UEVLD: variants seen among roughly 807,000 people sequenced by gnomAD.
UEVLD encodes ubiquitin-conjugating enzyme E2 variant 3.
In UEVLD, 47 loss-of-function variants were observed where a neutral mutation model predicts 58.6. That is an observed-to-expected ratio of 0.80 (90% CI 0.63 to 1.02). The LOEUF (loss-of-function observed/expected upper bound fraction) is 1.02. UEVLD is among the 50% of genes least tolerant of loss of function. The pLI is 0.00. For synonymous variants in UEVLD, 197 were observed against 195.3 expected, an observed-to-expected ratio of 1.01 and a Z score of -0.07; for missense variants, 510 against 550.6, an observed-to-expected ratio of 0.93 and a Z score of 0.74.
At chr11:18,586,371 C>G (rs1200476303) in intron 1 of UEVLD, among the ~76,000 whole-genome samples, 3 of 152,000 alleles carry the variant, frequency 2.0e-5, no homozygotes, top group Non-Finnish European at 4.4e-5. Context: ...CGGGCCACCA[C>G]GCCTGGCTTA....
intron 6 of UEVLD, among the ~76,000 whole-genome samples, chr11:18,562,683 C>G (rs1852100306): frequency 6.6e-6 from 1 of 151,938 alleles, no homozygotes; most frequent in Admixed American, 6.6e-5. Flanking sequence ...CCACCGGGCC[C>G]AGCTGAAAAA....
At chr11:18,564,665 T>C (rs976290577) in intron 6 of UEVLD, among the ~76,000 whole-genome samples, 1 of 152,216 alleles carries the variant, frequency 6.6e-6, no homozygotes, top group Non-Finnish European at 1.5e-5. Flanking sequence ...AGCTTTCCCT[T>C]GGATGAGGAT....
chr11:18,545,038 A>G (rs949667128), intron 8 of UEVLD, among the ~76,000 whole-genome samples: 1 of 105,858 alleles, frequency 9.4e-6, no homozygotes, highest in Non-Finnish European at 1.9e-5. Context: ...ATGTGTGTGT[A>G]TATCTATCTA....
intron 1 of UEVLD, among the ~76,000 whole-genome samples, chr11:18,582,973 A>G (rs1211473447): frequency 2.6e-5 from 4 of 152,164 alleles, no homozygotes; most frequent in Non-Finnish European, 5.9e-5. Flanking sequence ...CCCAGGCTGG[A>G]GTGCAATGGC....
chr11:18,574,973 G>T (rs1390050706), intron 3 of UEVLD, among the ~76,000 whole-genome samples: 1 of 152,128 alleles, frequency 6.6e-6, no homozygotes, highest in Non-Finnish European at 1.5e-5. Flanking sequence ...CAGAGTAGTG[G>T]TAGTAGGGGG....
intron 7 of UEVLD, among the ~76,000 whole-genome samples, chr11:18,556,707 T>C (rs904731389): frequency 2.6e-5 from 4 of 152,140 alleles, no homozygotes; most frequent in Admixed American, 6.6e-5. Context: ...TACTTTCAAC[T>C]CCACATCCCC....
At chr11:18,582,720 G>C (rs906419626) in intron 1 of UEVLD, among the ~76,000 whole-genome samples, 1 of 152,076 alleles carries the variant, frequency 6.6e-6, no homozygotes, top group Non-Finnish European at 1.5e-5. Flanking sequence ...TAAAAATTCT[G>C]CATAACATTC....
chr11:18,544,927 TAC>T (rs958913773), intron 8 of UEVLD, 131 bp from the exon 9 acceptor site: 9 of 515,216 alleles, frequency 1.7e-5, no homozygotes, highest in African/African-American at 1.0e-4. Context: ...TGTATATATA[TAC>T]ACACACACAT....
rs747008280 is a variant in UEVLD, at chr11:18,558,275, G to A, written c.668C>T (p.Thr223Met). ...AAGGTTGAAGATTTCAAGGTCCATC[G>A]TGGCTCCTTTAGTCCCTTCTGAGAG... is the stretch of plus-strand genomic sequence containing the variant. ...LDLSEGTKGA[T>M]MDLEIFNLPN... is the part of the protein sequence containing the mutation. The change falls in exon 7 of 12, where the codon ACG becomes ATG. Residue 223 changes from threonine (T) to methionine (M), a missense_variant. Physicochemically the swap from Thr to Met is moderately conservative, Grantham distance 81. Transcript: ENST00000396197. The A allele has an allele frequency of 2.6e-5, 42 of 1,613,252 alleles. No homozygotes were observed. The highest frequency in any genetic ancestry group is 1.6e-4 in the Middle Eastern group (1 of 6,082).
chr11:18,585,937 C>A (rs1431955130), intron 1 of UEVLD, among the ~76,000 whole-genome samples: 1 of 152,148 alleles, frequency 6.6e-6, no homozygotes, highest in African/African-American at 2.4e-5. Context: ...ACCCAGCCCT[C>A]ATATCTATTT....
chr11:18,545,745 A>G (rs1398461370), intron 8 of UEVLD, among the ~76,000 whole-genome samples: 1 of 152,216 alleles, frequency 6.6e-6, no homozygotes, highest in African/African-American at 2.4e-5. Context: ...GTGCCTGGTC[A>G]AATTTTATTG....
chr11:18,564,760 T>C, intron 6 of UEVLD, 132 bp downstream of exon 6: 1 of 590,058 alleles, frequency 1.7e-6, no homozygotes, highest in Non-Finnish European at 2.9e-6. Context: ...TTTGTCAACT[T>C]ACTAAATATA....
Position 18,570,302 on chromosome 11 carries a change from T to C in UEVLD, c.269A>G (p.Lys90Arg), listed in dbSNP as rs758259534. Residue 90 changes from lysine (K) to arginine (R), a missense_variant, in exon 4 of 12, where the codon AAG (lysine) becomes AGG (arginine). By Grantham distance (26) the Lys-to-Arg change is conservative (BLOSUM62 2). Coordinates refer to ENST00000396197, the MANE Select transcript of UEVLD (RefSeq NM_001040697.4). ...HPFAPPICFL[K>R]PTANMGILVG... ...TAAGATTCCCATATTTGCAGTTGGC[T>C]TCAAGAAGCAAATAGGGGGAGCGAA... 23 of 1,594,648 alleles carry C rather than the reference T, an allele frequency of 1.4e-5. No homozygotes were observed. In the Admixed American group the frequency reaches 2.8e-4, roughly 19 times the overall value.
In UEVLD at chr11:18,570,375, T is replaced by C. The variant is rs370916067; in HGVS notation, c.196A>G (p.Asn66Asp). ...AAACGAATTGGTATGTTATATGTAT[T>C]ACCTATTTGAGACAAAAGAAACATA... is the stretch of plus-strand genomic sequence containing the variant. ...TGTIPVMYQGNTYNIPIRFWI... is the reference protein window; with the variant it reads ...TGTIPVMYQGDTYNIPIRFWI... Residue 66 changes from asparagine (N) to aspartate (D), a missense_variant and splice_region_variant, in exon 4 of 12, where the codon AAT becomes GAT. Transcript: ENST00000396197. The C allele has an allele frequency of 7.8e-6, 12 of 1,530,054 alleles. No individual in the cohort carries two copies. Among genetic ancestry groups the C allele is most frequent in the Non-Finnish European group, 1.0e-5 (12 of 1,145,858 alleles). 94.8% of individuals were successfully genotyped at this position (1,530,054 alleles called of 1,614,324 possible). A position where few individuals can be genotyped will look rare whatever the true frequency, so the allele number is the denominator to read the frequency against.
chr11:18,573,454 CT>C (rs1379757285), intron 3 of UEVLD, among the ~76,000 whole-genome samples: 2 of 152,134 alleles, frequency 1.3e-5, no homozygotes, highest in Non-Finnish European at 2.9e-5. Context: ...CAGAATACAA[CT>C]TAAGGGGAAC....
At position 18,530,197 on chromosome 11, in the gene UEVLD, T is replaced by G. The variant is rs917733756; in HGVS notation, c.*2123A>C. 1.3e-5 allele frequency: 2 copies of G among 152,238 alleles called. No homozygotes were observed. Among genetic ancestry groups the G allele is most frequent in the Non-Finnish European group, 2.9e-5 (2 of 68,032 alleles). 9.4% of individuals were successfully genotyped at this position (152,238 alleles called of 1,614,324 possible). A position where few individuals can be genotyped will look rare whatever the true frequency, so the allele number is the denominator to read the frequency against. The stretch of plus-strand genomic sequence containing the variant: ...AACACAAGAAATAGTTCTTTCAGTT[T>G]TACTTTCCTATTTCATAAAAAAGGA... On this transcript the variant is annotated 3_prime_UTR_variant, in exon 12 of 12. Coordinates refer to ENST00000396197, the MANE Select transcript of UEVLD (RefSeq NM_001040697.4).
In UEVLD at chr11:18,562,334, G is replaced by C. The variant is rs551841785; in HGVS notation, c.612+2558C>G. Among the ~76,000 whole-genome samples, 101 of 151,794 alleles carry C rather than the reference G, an allele frequency of 6.7e-4. 1 individual carries two copies. Among genetic ancestry groups the C allele is most frequent in the African/African-American group, 2.4e-3 (98 of 41,420 alleles). ...AGGCAGGCAGATCACCTGATGTCAA[G>C]AGCTCGAGACCAGCCTGGCCAACAT... is the stretch of plus-strand genomic sequence containing the variant. On this transcript the variant is annotated intron_variant, in intron 6 of 11. Coordinates refer to ENST00000396197, the MANE Select transcript of UEVLD (RefSeq NM_001040697.4).
chr11:18,570,020 G>C, intron 4 of UEVLD, 194 bp downstream of exon 4: 1 of 500,848 alleles, frequency 2.0e-6, no homozygotes, highest in Non-Finnish European at 3.3e-6. Context: ...GAGCAGCTTT[G>C]TACAGGCAGT....
At chr11:18,537,776 C>T (rs138297870) in intron 9 of UEVLD, among the ~76,000 whole-genome samples, 2,329 of 152,194 alleles carry the variant, frequency 0.015, 69 homozygotes, top group African/African-American at 0.054. Context: ...AATTATTCTA[C>T]CTCAGCCTCC....
Sources: gnomAD v4.1 joint callset for allele counts (sites outside exome capture counted in the v4.1 genomes callset) on GRCh38, gnomAD v4.1.1 for gene constraint, MANE v1.5 for transcripts, NCBI Gene and HGNC (gene_info 2026-07-23, HGNC 2026-07-21) for gene names.